LUZP2: variants seen among roughly 807,000 people sequenced by gnomAD.
LUZP2 encodes leucine zipper protein 2.
LUZP2 carries 52 observed loss-of-function variants against 51.6 expected under a neutral mutation model. The ratio of observed to expected loss-of-function variants is 1.01; its 90% CI spans 0.81 to 1.27. LUZP2 has a LOEUF of 1.27. Among genes scored for constraint, LUZP2 ranks in the 50% most tolerant of loss-of-function variants. The pLI, the probability that LUZP2 is intolerant of heterozygous loss-of-function variation, is 0.00. For synonymous variants in LUZP2, 154 were observed against 137.3 expected (o/e 1.12, Z -0.85); for missense variants, 436 against 395.4 (o/e 1.10, Z -0.87).
At chr11:24,773,459 G>A (rs944166336) in intron 5 of LUZP2, among the ~76,000 whole-genome samples, 1 of 152,196 alleles carries the variant, frequency 6.6e-6, no homozygotes, top group Non-Finnish European at 1.5e-5. Flanking sequence ...CTAGAGAGGT[G>A]TGGAACATAG....
chr11:24,931,669 G>A (rs546395873), intron 7 of LUZP2, among the ~76,000 whole-genome samples: 1 of 152,050 alleles, frequency 6.6e-6, no homozygotes, highest in Admixed American at 6.6e-5. Flanking sequence ...TCTTTAAGTT[G>A]GTATTCACCT....
At chr11:24,604,512 T>C (rs1853846316) in intron 1 of LUZP2, among the ~76,000 whole-genome samples, 2 of 151,866 alleles carry the variant, frequency 1.3e-5, no homozygotes, top group Non-Finnish European at 3.0e-5. Context: ...ATGGAAAATA[T>C]AAAATATAAA....
At chr11:24,735,740 A>G (rs1382880800) in intron 3 of LUZP2, among the ~76,000 whole-genome samples, 1 of 151,936 alleles carries the variant, frequency 6.6e-6, no homozygotes, top group Non-Finnish European at 1.5e-5. Context: ...ATATTTCAAT[A>G]TTTGAGCTAT....
chr11:24,902,024 C>T (rs1214636486), intron 5 of LUZP2, among the ~76,000 whole-genome samples: 1 of 152,012 alleles, frequency 6.6e-6, no homozygotes, highest in Non-Finnish European at 1.5e-5. Context: ...TTAATATTTG[C>T]CGCTTTATTT....
chr11:25,039,675 T>A (rs1239117080), intron 9 of LUZP2, among the ~76,000 whole-genome samples: 1 of 152,192 alleles, frequency 6.6e-6, no homozygotes, highest in East Asian at 1.9e-4. Context: ...CTCCTGCAAC[T>A]AAGATCCTAG....
Position 24,918,860 on chromosome 11 carries a change from C to A in LUZP2, c.522+4322C>A, listed in dbSNP as rs896229045. On this transcript the variant is annotated intron_variant, in intron 7 of 11. Coordinates refer to ENST00000336930, the MANE Select transcript of LUZP2 (RefSeq NM_001009909.4). Reference sequence around the variant, plus strand: ...TGGAATACATCTATATATATATGTTCTTTATATATATCCATAATATATATT... The same window carrying A: ...TGGAATACATCTATATATATATGTTATTTATATATATCCATAATATATATT... Among the ~76,000 whole-genome samples the A allele has an allele frequency of 2.1e-4, 5 of 24,314 alleles. 1 individual carries two copies. The highest frequency in any genetic ancestry group is 6.4e-4 in the African/African-American group (5 of 7,758). The allele number at this position is 24,314 out of a possible 152,430, so 16.0% of individuals were successfully genotyped here. A position where few individuals can be genotyped will look rare whatever the true frequency, so the allele number is the denominator to read the frequency against.
intron 1 of LUZP2, among the ~76,000 whole-genome samples, chr11:24,715,018 A>T (rs968671514): frequency 6.6e-6 from 1 of 152,172 alleles, no homozygotes; most frequent in African/African-American, 2.4e-5. Flanking sequence ...CTATCTTCTA[A>T]ACATCTGAAA....
At chr11:24,798,198 AT>A (rs1554908948) in intron 5 of LUZP2, among the ~76,000 whole-genome samples, 2 of 86,150 alleles carry the variant, frequency 2.3e-5, no homozygotes, top group Non-Finnish European at 6.0e-5. Context: ...GGCATCTTAT[AT>A]TTCTTTTTTT....
At chr11:24,890,492 C>T (rs558528064) in intron 5 of LUZP2, among the ~76,000 whole-genome samples, 1 of 152,274 alleles carries the variant, frequency 6.6e-6, no homozygotes, top group South Asian at 2.1e-4. Flanking sequence ...CTTGGGATGA[C>T]TGACTAGCAG....
chr11:24,738,973 A>G (rs1251140678), intron 4 of LUZP2, among the ~76,000 whole-genome samples: 2 of 152,036 alleles, frequency 1.3e-5, no homozygotes, highest in Admixed American at 1.3e-4. Flanking sequence ...TGGACCTTAT[A>G]TCTTGTTTTC....
chr11:24,627,280 T>C (rs2133918631), intron 1 of LUZP2, among the ~76,000 whole-genome samples: 1 of 152,266 alleles, frequency 6.6e-6, no homozygotes, highest in African/African-American at 2.4e-5. Flanking sequence ...GATTTGACCA[T>C]AATCAGATAA....
chr11:24,602,792 C>T (rs1853785037), intron 1 of LUZP2, among the ~76,000 whole-genome samples: 1 of 151,670 alleles, frequency 6.6e-6, no homozygotes, highest in Admixed American at 6.6e-5. Flanking sequence ...TTCAAGCTTG[C>T]TCACCAATAT....
At chr11:24,961,894 C>T (rs1449856695) in intron 7 of LUZP2, among the ~76,000 whole-genome samples, 4 of 151,172 alleles carry the variant, frequency 2.6e-5, no homozygotes, top group Non-Finnish European at 4.4e-5. Flanking sequence ...ACCGGTTGTT[C>T]CTTTCCATGT....
intron 1 of LUZP2, among the ~76,000 whole-genome samples, chr11:24,659,746 G>GT (rs1425878657): frequency 6.6e-6 from 1 of 152,052 alleles, no homozygotes; most frequent in Non-Finnish European, 1.5e-5. Context: ...TTGTGATGTT[G>GT]TAATATATGT....
intron 1 of LUZP2, among the ~76,000 whole-genome samples, chr11:24,499,116 T>A (rs1849913891): frequency 6.6e-6 from 1 of 152,216 alleles, no homozygotes; most frequent in Non-Finnish European, 1.5e-5. Context: ...ACTGGAATAA[T>A]CATCTATTTC....
At chr11:24,878,916 A>T (rs1852364268) in intron 5 of LUZP2, among the ~76,000 whole-genome samples, 1 of 151,980 alleles carries the variant, frequency 6.6e-6, no homozygotes, top group Admixed American at 6.6e-5. Flanking sequence ...GATAGCTTCC[A>T]GCTTCATCCA....
chr11:24,701,340 A>G (rs1857416143), intron 1 of LUZP2: 1 of 167,334 alleles, frequency 6.0e-6, no homozygotes, highest in African/African-American at 2.4e-5. Flanking sequence ...GGAGATCTTC[A>G]TGATTGTCAG....
intron 7 of LUZP2, among the ~76,000 whole-genome samples, chr11:24,935,813 G>A (rs1454339651): frequency 1.1e-4 from 17 of 151,918 alleles, no homozygotes; most frequent in Non-Finnish European, 2.4e-4. Flanking sequence ...TGGAAAGAAT[G>A]GTAAAATGGT....
At chr11:24,825,850 A>T (rs1850508370) in intron 5 of LUZP2, among the ~76,000 whole-genome samples, 1 of 152,030 alleles carries the variant, frequency 6.6e-6, no homozygotes, top group Non-Finnish European at 1.5e-5. Context: ...TTAGAAAAAT[A>T]GTTTGCAACT....
Sources: gnomAD v4.1 joint callset for allele counts (sites outside exome capture counted in the v4.1 genomes callset) on GRCh38, gnomAD v4.1.1 for gene constraint, MANE v1.5 for transcripts, NCBI Gene and HGNC (gene_info 2026-07-23, HGNC 2026-07-21) for gene names.